ARL15: variants seen among roughly 807,000 people sequenced by gnomAD.
ARL15 encodes the protein ARF like GTPase 15.
A neutral mutation model predicts 25.2 loss-of-function variants in ARL15; 19 were observed. The ratio of observed to expected loss-of-function variants is 0.75; its 90% CI spans 0.53 to 1.10. The LOEUF (loss-of-function observed/expected upper bound fraction) is 1.10, where lower values mean the gene tolerates loss of function less well. Ranked by LOEUF, ARL15 falls within the 50% of genes least tolerant of loss-of-function variation. The pLI is 0.00. For missense variants in ARL15, 220 were observed against 246.0 expected, an observed-to-expected ratio of 0.89 and a Z score of 0.71; for synonymous variants, 94 against 86.8, an observed-to-expected ratio of 1.08 and a Z score of -0.46.
intron 1 of ARL15, among the ~76,000 whole-genome samples, chr5:54,198,310 A>G (rs1188929472): frequency 6.6e-6 from 1 of 152,214 alleles, no homozygotes; most frequent in East Asian, 1.9e-4. Context: ...ATCAGGCAGG[A>G]GAAGGAAATA....
At chr5:54,102,697 A>G (rs1752476164) in intron 4 of ARL15, among the ~76,000 whole-genome samples, 1 of 152,016 alleles carries the variant, frequency 6.6e-6, no homozygotes. Context: ...TCTTATTTTC[A>G]TTGCATTATT....
intron 4 of ARL15, 174 bp downstream of exon 4, chr5:54,113,028 T>G (rs1020967365): frequency 3.2e-6 from 2 of 626,988 alleles, no homozygotes; most frequent in African/African-American, 1.8e-5. Flanking sequence ...GTTAGGTATG[T>G]AAACAAGTGC....
intron 4 of ARL15, among the ~76,000 whole-genome samples, chr5:54,024,877 G>GA (rs1319746064): frequency 1.3e-5 from 2 of 151,756 alleles, no homozygotes; most frequent in Admixed American, 1.3e-4. Flanking sequence ...ATTCAAGAAG[G>GA]AAAAAAACAT....
intron 4 of ARL15, among the ~76,000 whole-genome samples, chr5:53,988,035 G>A (rs1459557707): frequency 2.0e-5 from 3 of 151,944 alleles, no homozygotes; most frequent in Admixed American, 6.6e-5. Context: ...CCCGGGAGGC[G>A]GAGCTTGCAG....
chr5:54,162,402 C>T (rs1028938644), intron 2 of ARL15, among the ~76,000 whole-genome samples: 5 of 152,152 alleles, frequency 3.3e-5, no homozygotes, highest in Admixed American at 3.3e-4. Context: ...TCTCCATGCT[C>T]CAGCATTTCC....
chr5:54,266,712 T>C (rs915442453), intron 1 of ARL15, among the ~76,000 whole-genome samples: 1 of 152,194 alleles, frequency 6.6e-6, no homozygotes, highest in Non-Finnish European at 1.5e-5. Context: ...AAGAACAAAG[T>C]ATCTTTAAAA....
intron 4 of ARL15, among the ~76,000 whole-genome samples, chr5:54,040,203 C>T (rs1157913991): frequency 2.0e-5 from 3 of 152,146 alleles, no homozygotes; most frequent in Non-Finnish European, 1.5e-5. Flanking sequence ...GCACATTCTT[C>T]CTGGCTAACA....
intron 1 of ARL15, among the ~76,000 whole-genome samples, chr5:54,242,500 A>T (rs1396077377): frequency 6.6e-6 from 1 of 152,220 alleles, no homozygotes; most frequent in Non-Finnish European, 1.5e-5. Context: ...TCTGTTCATG[A>T]ATAGGACACA....
intron 4 of ARL15, among the ~76,000 whole-genome samples, chr5:53,907,488 A>ACATATATATTTTT (rs1745303676): frequency 5.6e-5 from 1 of 18,012 alleles, no homozygotes; most frequent in African/African-American, 2.9e-4. Context: ...ATATATATAT[A>ACATATATATTTTT]TTTTTTTTTT....
At chr5:54,163,383 T>C (rs1403476413) in intron 2 of ARL15, among the ~76,000 whole-genome samples, 1 of 110,002 alleles carries the variant, frequency 9.1e-6, no homozygotes, top group African/African-American at 3.2e-5. Flanking sequence ...TTTTTTTTTT[T>C]TTTTTTTTTT....
rs143720548 is a variant in ARL15 at position 54,141,240 on chromosome 5, A to G, written c.253+13340T>C. ...ATTTTAAAAGTCTACACATTAAGTT[A>G]ATTGATTTGATAATTTCTTTATCTT... On this transcript the variant is annotated intron_variant, in intron 3 of 4. Coordinates refer to ENST00000504924, the MANE Select transcript of ARL15 (RefSeq NM_019087.3). Among the ~76,000 whole-genome samples, 285 of 152,294 alleles carry G rather than the reference A, an allele frequency of 1.9e-3. 2 individuals carry two copies. Among genetic ancestry groups the G allele is most frequent in the Admixed American group, 8.2e-3 (125 of 15,300 alleles).
rs985092560 is a variant in ARL15, at chr5:54,168,870, C to T, written c.193+2914G>A. On this transcript the variant is annotated intron_variant, in intron 2 of 4. Coordinates refer to ENST00000504924, the MANE Select transcript of ARL15 (RefSeq NM_019087.3). ...ACACATATCACATTCTGTCTTAGCA[C>T]AGAGCCTGGAGTATATTAAATAAGC... is the stretch of plus-strand genomic sequence containing the variant. Among the ~76,000 whole-genome samples the T allele has an allele frequency of 4.4e-4, 67 of 152,144 alleles. 1 individual carries two copies. The highest frequency in any genetic ancestry group is 8.5e-4 in the Admixed American group (13 of 15,264).
Position 53,959,764 on chromosome 5 carries a change from C to T in ARL15, c.463-73051G>A, listed in dbSNP as rs6859370. 1.4e-3 allele frequency among the ~76,000 whole-genome samples: 209 copies of T among 152,260 alleles called. 1 individual carries two copies. The highest frequency in any genetic ancestry group is 4.9e-3 in the African/African-American group (205 of 41,560). Reference sequence around the variant, plus strand: ...CCATGCTCGTGATCATCCAACGTTGCATTCCTCCTCCCTCCTCACTCCCTG... The same window carrying T: ...CCATGCTCGTGATCATCCAACGTTGTATTCCTCCTCCCTCCTCACTCCCTG... On this transcript the variant is annotated intron_variant, in intron 4 of 4. Coordinates refer to ENST00000504924, the MANE Select transcript of ARL15 (RefSeq NM_019087.3).
intron 4 of ARL15, among the ~76,000 whole-genome samples, chr5:54,071,175 A>T (rs1252651757): frequency 3.3e-5 from 5 of 152,078 alleles, no homozygotes; most frequent in African/African-American, 1.2e-4. Flanking sequence ...GTCTCAAAAA[A>T]AAAAAAAGAA....
rs1371514728 is a variant in ARL15 at position 53,940,006 on chromosome 5, C to T, written c.463-53293G>A. The stretch of plus-strand genomic sequence containing the variant: ...TTTTTTTTTTTTTTTTGAGACGGAG[C>T]CTCGCTCTGTCGCCCAGGCTGGAGT... On this transcript the variant is annotated intron_variant, in intron 4 of 4. Coordinates refer to ENST00000504924, the MANE Select transcript of ARL15 (RefSeq NM_019087.3). 6.0e-5 allele frequency among the ~76,000 whole-genome samples: 9 copies of T among 148,940 alleles called. No individual in the cohort carries two copies. In the East Asian group the frequency reaches 1.6e-3, roughly 26 times the overall value.
chr5:54,289,962 G>A (rs2112687353), intron 1 of ARL15, among the ~76,000 whole-genome samples: 1 of 152,260 alleles, frequency 6.6e-6, no homozygotes, highest in Admixed American at 6.5e-5. Flanking sequence ...GCTGCAGTCT[G>A]CCATCAGCTT....
At chr5:54,056,976 G>A (rs1750893940) in intron 4 of ARL15, among the ~76,000 whole-genome samples, 1 of 151,400 alleles carries the variant, frequency 6.6e-6, no homozygotes, top group African/African-American at 2.4e-5. Context: ...GCACATACAT[G>A]AACATACACA....
chr5:53,905,930 C>T (rs1185752140), intron 4 of ARL15, among the ~76,000 whole-genome samples: 3 of 152,216 alleles, frequency 2.0e-5, no homozygotes, highest in African/African-American at 4.8e-5. Context: ...GACACTTATA[C>T]GTCAGAGTCC....
At chr5:54,141,441 A>G (rs1753779595) in intron 3 of ARL15, among the ~76,000 whole-genome samples, 1 of 152,164 alleles carries the variant, frequency 6.6e-6, no homozygotes. Flanking sequence ...GAAAAGGGCC[A>G]AAGTCTCCAC....
Sources: gnomAD v4.1 joint callset for allele counts (sites outside exome capture counted in the v4.1 genomes callset) on GRCh38, gnomAD v4.1.1 for gene constraint, MANE v1.5 for transcripts, NCBI Gene and HGNC (gene_info 2026-07-23, HGNC 2026-07-21) for gene names.